The following MARK3 variants were observed in gnomAD, a reference collection of about 807,000 sequenced individuals.
MARK3 encodes microtubule affinity regulating kinase 3.
Under a neutral mutation model 90.1 loss-of-function variants are expected in MARK3, and 46 were observed. The ratio of observed to expected loss-of-function variants is 0.51; its 90% CI spans 0.40 to 0.65. The LOEUF is 0.65. MARK3 is among the 30% of genes least tolerant of loss of function. The pLI, the probability that MARK3 is intolerant of heterozygous loss-of-function variation, is 0.00. For synonymous variants in MARK3, 321 were observed against 332.6 expected (o/e 0.97, Z 0.38); for missense variants, 818 against 947.2 (o/e 0.86, Z 1.79).
intron 6 of MARK3, among the ~76,000 whole-genome samples, chr14:103,459,775 A>G (rs1360077404): frequency 4.6e-5 from 7 of 151,920 alleles, no homozygotes; most frequent in Non-Finnish European, 8.8e-5. Context: ...CAGCCTCCCA[A>G]AATGCTGGGA....
rs2089735457 is a variant in MARK3 at position 103,385,750 on chromosome 14, C to T, written c.-280C>T. 3 of 358,340 alleles carry T rather than the reference C, an allele frequency of 8.4e-6. No homozygotes were observed. The highest frequency in any genetic ancestry group is 2.1e-5 in the African/African-American group (1 of 46,740). 22.2% of individuals were successfully genotyped at this position (358,340 alleles called of 1,614,324 possible). ...CCTGAGGCAAGGGGACGCCGGCGGGCCGAAGCGCAGCCCGCCGCCCGCAGG... is the reference window on the plus strand; with the variant it reads ...CCTGAGGCAAGGGGACGCCGGCGGGTCGAAGCGCAGCCCGCCGCCCGCAGG... On this transcript the variant is annotated 5_prime_UTR_variant, in exon 1 of 18. Coordinates refer to ENST00000429436, the MANE Select transcript of MARK3 (RefSeq NM_001128918.3).
intron 2 of MARK3, among the ~76,000 whole-genome samples, chr14:103,426,269 CTTTT>C (rs61014395): frequency 0.55 from 79,453 of 143,616 alleles, 22,453 homozygotes; most frequent in Non-Finnish European, 0.63. Context: ...TTGTTAAATA[CTTTT>C]TTTTTTTTTT....
intron 13 of MARK3, among the ~76,000 whole-genome samples, chr14:103,477,251 G>A (rs2093729969): frequency 6.6e-6 from 1 of 152,162 alleles, no homozygotes; most frequent in South Asian, 2.1e-4. Flanking sequence ...CTGCACTGTG[G>A]GAGGCCAAAG....
At chr14:103,467,851 C>G (rs2093544418) in intron 11 of MARK3, 182 bp from the exon 12 acceptor site, 1 of 511,154 alleles carries the variant, frequency 2.0e-6, no homozygotes, top group Non-Finnish European at 3.4e-6. Context: ...CCTTTAGTGT[C>G]TTTCCAGCCG....
intron 14 of MARK3, among the ~76,000 whole-genome samples, chr14:103,481,100 C>G (rs1348726537): frequency 6.6e-6 from 1 of 152,064 alleles, no homozygotes; most frequent in Non-Finnish European, 1.5e-5. Context: ...CTATCATGCA[C>G]ATGATTTTCT....
intron 3 of MARK3, among the ~76,000 whole-genome samples, chr14:103,435,344 T>G (rs1595665139): frequency 6.6e-6 from 1 of 150,884 alleles, no homozygotes. Flanking sequence ...GAATGGCTCC[T>G]AGTCTGTCTT....
chr14:103,413,713 C>G (rs1344918198), intron 2 of MARK3, among the ~76,000 whole-genome samples: 1 of 152,026 alleles, frequency 6.6e-6, no homozygotes, highest in African/African-American at 2.4e-5. Flanking sequence ...CTGCCTCGGC[C>G]TCCCAAAGTG....
chr14:103,397,051 T>C (rs2090624004), intron 1 of MARK3, among the ~76,000 whole-genome samples: 3 of 152,220 alleles, frequency 2.0e-5, no homozygotes, highest in Admixed American at 2.0e-4. Context: ...ATTTAACGTA[T>C]TAAATATGTT....
In MARK3 at chr14:103,503,412, A is replaced by T; in HGVS notation, c.*185A>T. The T allele has an allele frequency of 1.6e-6, 1 of 610,322 alleles. No individual in the cohort carries two copies. Among genetic ancestry groups the T allele is most frequent in the Non-Finnish European group, 2.8e-6 (1 of 353,516 alleles). The allele number at this position is 610,322 out of a possible 1,614,324, so 37.8% of individuals were successfully genotyped here. On this transcript the variant is annotated 3_prime_UTR_variant, in exon 18 of 18. Transcript: ENST00000429436. ...TTTCTACGAATGCACTACATTAAAGATGTGCAACCTATGCGCCCCCTGCCC... is the reference window on the plus strand; with the variant it reads ...TTTCTACGAATGCACTACATTAAAGTTGTGCAACCTATGCGCCCCCTGCCC...
At chr14:103,480,731 A>T (rs534463694) in intron 14 of MARK3, among the ~76,000 whole-genome samples, 1 of 152,284 alleles carries the variant, frequency 6.6e-6, no homozygotes, top group Non-Finnish European at 1.5e-5. Flanking sequence ...AGTTAAACCC[A>T]GGGGGTTTCC....
intron 1 of MARK3, among the ~76,000 whole-genome samples, chr14:103,401,542 C>T (rs569814528): frequency 9.2e-5 from 14 of 152,170 alleles, no homozygotes; most frequent in Admixed American, 7.2e-4. Flanking sequence ...TGTGGCCGTC[C>T]GTTTTAGGGC....
chr14:103,437,869 A>C (rs1167601214), intron 3 of MARK3, among the ~76,000 whole-genome samples: 2 of 152,216 alleles, frequency 1.3e-5, no homozygotes, highest in Non-Finnish European at 2.9e-5. Flanking sequence ...CAGGGAGGTC[A>C]AGTTACCTAG....
rs2089747969 is a variant in MARK3 at position 103,385,911 on chromosome 14, GC to G, written c.-116del. On this transcript the variant is annotated 5_prime_UTR_variant, in exon 1 of 18. Transcript: ENST00000429436. ...AGACGGCCGTAGGGGGAAGGGAGCC[GC>G]CCTCCCCACGGCGCCTTTTCGGAAC... 1 of 785,282 alleles carries G rather than the reference GC, an allele frequency of 1.3e-6. No individual in the cohort carries two copies. Among genetic ancestry groups the G allele is most frequent in the Non-Finnish European group, 2.2e-6 (1 of 445,474 alleles). The allele number at this position is 785,282 out of a possible 1,614,324, so 48.6% of individuals were successfully genotyped here. A position where few individuals can be genotyped will look rare whatever the true frequency, so the allele number is the denominator to read the frequency against.
At position 103,483,762 on chromosome 14, in the gene MARK3, G is replaced by A. The variant is rs146327357; in HGVS notation, c.1586+3272G>A. 1.4e-3 allele frequency among the ~76,000 whole-genome samples: 211 copies of A among 152,226 alleles called. 5 individuals are homozygous for A. In the East Asian group the frequency reaches 0.032, roughly 23 times the overall value. ...TATTCTGCCTTCTGATGTTATTCTC[G>A]AAAAATGGCCAGATTCCAGGCGTGA... On this transcript the variant is annotated intron_variant, in intron 14 of 17. Coordinates refer to ENST00000429436, the MANE Select transcript of MARK3 (RefSeq NM_001128918.3).
rs568255675 is a variant in MARK3, at chr14:103,459,678, T to A, written c.483+2466T>A. ...CCACGCCCAGCTAATTTTTTATTTT[T>A]TTTTTTGTAATTTTAGTAGAGACAA... On this transcript the variant is annotated intron_variant, in intron 6 of 17. Coordinates refer to ENST00000429436, the MANE Select transcript of MARK3 (RefSeq NM_001128918.3). Among the ~76,000 whole-genome samples the A allele has an allele frequency of 2.6e-5, 4 of 151,282 alleles. No individual in the cohort carries two copies. In the East Asian group the frequency reaches 5.9e-4, roughly 22 times the overall value.
intron 12 of MARK3, among the ~76,000 whole-genome samples, chr14:103,473,304 A>G (rs1429385546): frequency 6.6e-6 from 1 of 152,242 alleles, no homozygotes; most frequent in African/African-American, 2.4e-5. Context: ...GTAATAAAAG[A>G]GTATAGAATG....
Position 103,403,924 on chromosome 14 carries a change from CAG to C in MARK3, c.52-1150_52-1149del, listed in dbSNP as rs372300263. On this transcript the variant is annotated intron_variant, in intron 1 of 17. Transcript: ENST00000429436. ...CTAAAATAGACATTTGCAATAAAAA[CAG>C]AAATTGTTGTTGAGATGCCATATTA... Among the ~76,000 whole-genome samples, 129 of 152,222 alleles carry C rather than the reference CAG, an allele frequency of 8.5e-4. 1 individual carries two copies. In the East Asian group the frequency reaches 0.017, roughly 20 times the overall value.
chr14:103,450,918 A>ATTT (rs1566866017), intron 4 of MARK3, among the ~76,000 whole-genome samples: 56 of 29,696 alleles, frequency 1.9e-3, no homozygotes, highest in Non-Finnish European at 3.2e-3. Flanking sequence ...GTGTGTGTGT[A>ATTT]TTCTTTTTTT....
chr14:103,390,960 C>T (rs1156981407), intron 1 of MARK3, among the ~76,000 whole-genome samples: 1 of 152,174 alleles, frequency 6.6e-6, no homozygotes, highest in Non-Finnish European at 1.5e-5. Context: ...GGCCTCCTGT[C>T]CCAGCCTCCC....
Sources: gnomAD v4.1 joint callset for allele counts (sites outside exome capture counted in the v4.1 genomes callset) on GRCh38, gnomAD v4.1.1 for gene constraint, MANE v1.5 for transcripts, NCBI Gene and HGNC (gene_info 2026-07-23, HGNC 2026-07-21) for gene names.